The following MASTL variants were observed in gnomAD, a reference collection of about 807,000 sequenced individuals.
MASTL encodes the protein microtubule associated serine/threonine kinase like, also known as serine/threonine-protein kinase greatwall.
Under a neutral mutation model 82.5 loss-of-function variants are expected in MASTL, and 54 were observed. The observed-to-expected ratio is 0.65, with a 90% confidence interval of 0.53 to 0.82. MASTL has a LOEUF of 0.82. MASTL is among the 40% of genes least tolerant of loss of function. MASTL has a pLI of 0.00. For missense variants in MASTL, 950 were observed against 1,047.8 expected (o/e 0.91, Z 1.29); for synonymous variants, 323 against 368.9 (o/e 0.88, Z 1.43).
Position 27,186,482 on chromosome 10 carries a change from T to C in MASTL, c.2586T>C (p.Tyr862=), listed in dbSNP as rs1364230731. Residue 862 remains tyrosine (Y), a synonymous_variant, in exon 12 of 12, where the codon TAT becomes TAC. Transcript: ENST00000375940. ...PQPDDETDTS[Y]FEARNTAQHL... is the part of the protein sequence containing the mutation. ...CAGATGATGAAACAGATACCTCCTATTTTGAAGCCAGGAATACTGCTCAGC... is the reference window on the plus strand; with the variant it reads ...CAGATGATGAAACAGATACCTCCTACTTTGAAGCCAGGAATACTGCTCAGC... The C allele has an allele frequency of 6.2e-7, 1 of 1,614,050 alleles. No homozygotes were observed. Among genetic ancestry groups the C allele is most frequent in the East Asian group, 2.2e-5 (1 of 44,884 alleles).
At chr10:27,183,272 G>GTTGTTT (rs549005229) in intron 11 of MASTL, among the ~76,000 whole-genome samples, 2 of 22,300 alleles carry the variant, frequency 9.0e-5, no homozygotes, top group East Asian at 0.045. Flanking sequence ...AAATTCTTTT[G>GTTGTTT]TTGTTGTTGT....
intron 9 of MASTL, among the ~76,000 whole-genome samples, chr10:27,173,575 ATTTATT>A (rs1270628583): frequency 6.6e-6 from 1 of 151,044 alleles, no homozygotes; most frequent in Non-Finnish European, 1.5e-5. Flanking sequence ...TTATTTTTTT[ATTTATT>A]TTTATTTTTA....
chr10:27,160,540 C>G (rs766313708), intron 3 of MASTL, among the ~76,000 whole-genome samples: 1 of 151,722 alleles, frequency 6.6e-6, no homozygotes, highest in Non-Finnish European at 1.5e-5. Flanking sequence ...CACCTGAGGT[C>G]GGGAGTTTGA....
intron 9 of MASTL, among the ~76,000 whole-genome samples, chr10:27,175,679 T>G (rs560078455): frequency 6.6e-6 from 1 of 152,302 alleles, no homozygotes; most frequent in South Asian, 2.1e-4. Flanking sequence ...GATGTCAGTT[T>G]GTCACCTCCA....
chr10:27,187,491 C>G lies in MASTL; in HGVS notation c.*955C>G, dbSNP rs1347056215. On this transcript the variant is annotated 3_prime_UTR_variant, in exon 12 of 12. Transcript: ENST00000375940. ...TGGAGGACGGGTGCGATGGCTCATGCCTGTAATCCCGGCACTTTGGGAGGC... is the reference window on the plus strand; with the variant it reads ...TGGAGGACGGGTGCGATGGCTCATGGCTGTAATCCCGGCACTTTGGGAGGC... Among the ~76,000 whole-genome samples, 1 of 152,202 alleles carries G rather than the reference C, an allele frequency of 6.6e-6. No individual in the cohort carries two copies. The highest frequency in any genetic ancestry group is 1.9e-4 in the East Asian group (1 of 5,198).
rs1452990996 is a variant in MASTL, at chr10:27,186,613, T to C, written c.*77T>C. 4 of 1,245,960 alleles carry C rather than the reference T, an allele frequency of 3.2e-6. No individual in the cohort carries two copies. Among genetic ancestry groups the C allele is most frequent in the Non-Finnish European group, 3.6e-6 (3 of 844,766 alleles). 77.2% of individuals were successfully genotyped at this position (1,245,960 alleles called of 1,614,324 possible). On this transcript the variant is annotated 3_prime_UTR_variant, in exon 12 of 12. Transcript: ENST00000375940. ...AATTATATACTCCTTAATACTAGATTGATCTAAGGGGGAAAGATCATTATT... is the reference window on the plus strand; with the variant it reads ...AATTATATACTCCTTAATACTAGATCGATCTAAGGGGGAAAGATCATTATT...
chr10:27,165,475 C>T lies in MASTL; in HGVS notation c.747C>T (p.Leu249=), dbSNP rs1233319002. The T allele has an allele frequency of 6.2e-7, 1 of 1,614,004 alleles. No individual in the cohort carries two copies. The highest frequency in any genetic ancestry group is 1.7e-5 in the Admixed American group (1 of 60,006). ...AAACATCACAGCTTTCTCAAGGACT[C>T]GTATGCCCTATGTCTGTAGATCAAA... ...LSETSQLSQG[L]VCPMSVDQKD... is the part of the protein sequence containing the mutation. Residue 249 remains leucine (L), a synonymous_variant, in exon 6 of 12, where the codon CTC becomes CTT. Transcript: ENST00000375940.
In MASTL at chr10:27,155,389, G is replaced by A. The variant is rs769032031; in HGVS notation, c.-38G>A. On this transcript the variant is annotated 5_prime_UTR_variant, in exon 1 of 12. Transcript: ENST00000375940. ...GTTGGCGGGAGTGGCTGCTCGCGGAGGGGCAGTGTCTGCGGGGCCGCTGTA... is the reference window on the plus strand; with the variant it reads ...GTTGGCGGGAGTGGCTGCTCGCGGAAGGGCAGTGTCTGCGGGGCCGCTGTA... The A allele has an allele frequency of 6.4e-7, 1 of 1,559,450 alleles. No individual in the cohort carries two copies. Among genetic ancestry groups the A allele is most frequent in the South Asian group, 1.2e-5 (1 of 86,932 alleles).
At chr10:27,185,123 G>A (rs1353518515) in intron 11 of MASTL, among the ~76,000 whole-genome samples, 4 of 152,178 alleles carry the variant, frequency 2.6e-5, no homozygotes, top group Admixed American at 1.3e-4. Context: ...GAAGGATAAG[G>A]ATGGAGCACA....
chr10:27,163,910 G>A (rs2057656320), intron 4 of MASTL, among the ~76,000 whole-genome samples: 2 of 151,094 alleles, frequency 1.3e-5, no homozygotes, highest in Admixed American at 1.3e-4. Context: ...GATTACAGGC[G>A]TGAACCACCG....
At chr10:27,182,960 G>C (rs1026754768) in intron 11 of MASTL, among the ~76,000 whole-genome samples, 4 of 151,916 alleles carry the variant, frequency 2.6e-5, no homozygotes, top group African/African-American at 7.3e-5. Context: ...AAACAATCTT[G>C]TTAGTGTCTT....
chr10:27,158,881 C>T (rs183244707), intron 2 of MASTL, among the ~76,000 whole-genome samples, 195 bp downstream of exon 2: 6 of 152,208 alleles, frequency 3.9e-5, no homozygotes, highest in South Asian at 2.1e-4. Context: ...GCATACGGTG[C>T]GTGTGTATGT....
At chr10:27,166,961 A>C in intron 6 of MASTL, 141 bp from the exon 7 acceptor site, 1 of 673,652 alleles carries the variant, frequency 1.5e-6, no homozygotes, top group Non-Finnish European at 2.6e-6. Flanking sequence ...GTGTTTACAA[A>C]GAAATAGTTC....
rs748005651 is a variant in MASTL, at chr10:27,186,512, G to A, written c.2616G>A (p.Leu872=). ...YFEARNTAQH[L]TVSGFSL is the part of the protein sequence containing the mutation. ...AAGCCAGGAATACTGCTCAGCACCT[G>A]ACTGTATCTGGATTTAGTCTGTAGC... Residue 872 remains leucine (L), a synonymous_variant, in exon 12 of 12, where the codon CTG becomes CTA. Coordinates refer to ENST00000375940, the MANE Select transcript of MASTL (RefSeq NM_001172303.3). 6.2e-7 allele frequency: 1 copy of A among 1,614,012 alleles called. No homozygotes were observed. The highest frequency in any genetic ancestry group is 8.5e-7 in the Non-Finnish European group (1 of 1,179,958).
At chr10:27,185,291 G>A (rs1217167052) in intron 11 of MASTL, among the ~76,000 whole-genome samples, 1 of 152,150 alleles carries the variant, frequency 6.6e-6, no homozygotes, top group Non-Finnish European at 1.5e-5. Context: ...TTATCAAGGA[G>A]CAGAAAGTAG....
chr10:27,173,050 T>G (rs1386441058), intron 8 of MASTL, 68 bp from the exon 9 acceptor site: 5 of 1,584,796 alleles, frequency 3.2e-6, no homozygotes, highest in Non-Finnish European at 4.3e-6. Flanking sequence ...CTTGTGTGTT[T>G]CACCATTTTC....
In MASTL at chr10:27,161,197, A is replaced by C; in HGVS notation, c.553+15A>C. ...TTTGAATAGAGGTAAGAAAAATATC[A>C]AGTAAGTACTTTTTTAAAACATCCA... On this transcript the variant is annotated intron_variant, in intron 4 of 11. Coordinates refer to ENST00000375940, the MANE Select transcript of MASTL (RefSeq NM_001172303.3). 6.9e-7 allele frequency: 1 copy of C among 1,442,952 alleles called. No individual in the cohort carries two copies. The highest frequency in any genetic ancestry group is 9.8e-7 in the Non-Finnish European group (1 of 1,024,726). 89.4% of individuals were successfully genotyped at this position (1,442,952 alleles called of 1,614,324 possible). A position where few individuals can be genotyped will look rare whatever the true frequency, so the allele number is the denominator to read the frequency against.
intron 11 of MASTL, among the ~76,000 whole-genome samples, chr10:27,183,680 G>T (rs1181866175): frequency 2.0e-5 from 3 of 152,106 alleles, no homozygotes; most frequent in African/African-American, 7.2e-5. Flanking sequence ...ATTTGCATCA[G>T]CTTCTAGGTG....
chr10:27,165,776 T>C (rs955040519), intron 6 of MASTL, among the ~76,000 whole-genome samples: 1 of 151,480 alleles, frequency 6.6e-6, no homozygotes, highest in African/African-American at 2.4e-5. Flanking sequence ...TGGTGCACAC[T>C]TGTGGTCCCA....
Sources: allele counts gnomAD v4.1 joint callset (sites outside exome capture counted in the v4.1 genomes callset), GRCh38; gene constraint gnomAD v4.1.1; transcripts MANE v1.5; gene names NCBI Gene and HGNC (gene_info 2026-07-23, HGNC 2026-07-21).